The following PTCHD4 variants were observed in gnomAD, a reference collection of about 807,000 sequenced individuals.
PTCHD4 encodes the protein patched domain containing 4.
PTCHD4 carries 33 observed loss-of-function variants against 58.1 expected under a neutral mutation model. The observed-to-expected ratio is 0.57, with a 90% CI of 0.43 to 0.76. The LOEUF is 0.76. Among genes scored for constraint, PTCHD4 ranks in the 30% least tolerant of loss-of-function variants. PTCHD4 has a pLI of 0.00. For missense variants in PTCHD4, 1,058 were observed against 1,027.1 expected (o/e 1.03, Z -0.41); for synonymous variants, 478 against 409.6 (o/e 1.17, Z -2.02).
At chr6:48,098,450 C>T (rs567282458) in intron 1 of PTCHD4, among the ~76,000 whole-genome samples, 25 of 151,992 alleles carry the variant, frequency 1.6e-4, no homozygotes, top group Middle Eastern at 6.8e-3. Flanking sequence ...GTGATTCTCC[C>T]ACCTCAGCCT....
intron 1 of PTCHD4, among the ~76,000 whole-genome samples, chr6:48,108,284 A>G (rs1387568223): frequency 3.2e-4 from 48 of 152,186 alleles, no homozygotes; most frequent in Non-Finnish European, 4.1e-4. Context: ...AAAAATGATG[A>G]GTTCATGTCC....
chr6:47,938,025 C>A (rs1766069652), intron 4 of PTCHD4, among the ~76,000 whole-genome samples: 2 of 152,088 alleles, frequency 1.3e-5, no homozygotes, highest in Non-Finnish European at 1.5e-5. Flanking sequence ...TGGTGGCACG[C>A]ACCTGTAGTC....
chr6:48,008,647 C>CT lies in PTCHD4; in HGVS notation c.884_885insA (p.Phe296ValfsTer9). The CT allele has an allele frequency of 6.2e-7, 1 of 1,612,762 alleles. No individual in the cohort carries two copies. The highest frequency in any genetic ancestry group is 8.5e-7 in the Non-Finnish European group (1 of 1,179,338). On this transcript the variant is annotated frameshift_variant, in exon 4 of 5. Transcript: ENST00000339488. LOFTEE classifies it high-confidence loss of function. ...ATGGATAGTTACCCATGGCGAAGAA[C>CT]GGGATTCCCAGCAGGGTGGAGTTGT...
At chr6:47,996,397 C>T (rs1368098984) in intron 4 of PTCHD4, among the ~76,000 whole-genome samples, 1 of 151,244 alleles carries the variant, frequency 6.6e-6, no homozygotes, top group Non-Finnish European at 1.5e-5. Context: ...ATCACTTGAA[C>T]CCGGGAGGCA....
chr6:47,911,822 A>G (rs1765079617), intron 4 of PTCHD4, among the ~76,000 whole-genome samples: 1 of 152,236 alleles, frequency 6.6e-6, no homozygotes, highest in Non-Finnish European at 1.5e-5. Context: ...TCATTCATGT[A>G]TAGATAGCCA....
At position 48,009,324 on chromosome 6, in the gene PTCHD4, A is replaced by G. The variant is rs539615224; in HGVS notation, c.418-210T>C. ...GATGATCAAGGGCAGAAAATATGCA[A>G]AAAGTATTACAAAGCTACAGAAGAA... On this transcript the variant is annotated intron_variant, in intron 3 of 4. Transcript: ENST00000339488. Among the ~76,000 whole-genome samples, 6 of 152,342 alleles carry G rather than the reference A, an allele frequency of 3.9e-5. No homozygotes were observed. The East Asian group carries it at 1.2e-3, about 29-fold the overall frequency.
At chr6:47,953,787 T>G (rs1766744059) in intron 4 of PTCHD4, among the ~76,000 whole-genome samples, 1 of 152,168 alleles carries the variant, frequency 6.6e-6, no homozygotes, top group Non-Finnish European at 1.5e-5. Context: ...CATAAAACAC[T>G]ATCTGTTCTA....
At chr6:47,904,102 G>A (rs1341345320) in intron 4 of PTCHD4, among the ~76,000 whole-genome samples, 1 of 152,202 alleles carries the variant, frequency 6.6e-6, no homozygotes, top group Non-Finnish European at 1.5e-5. Flanking sequence ...GATGAGCTCA[G>A]AGAGATAATG....
chr6:47,967,643 C>T (rs1470019715), intron 4 of PTCHD4, among the ~76,000 whole-genome samples: 2 of 152,126 alleles, frequency 1.3e-5, no homozygotes, highest in African/African-American at 2.4e-5. Flanking sequence ...TCATATTAGC[C>T]AGATTTTCTG....
At chr6:47,890,612 G>A (rs920434924) in intron 4 of PTCHD4, among the ~76,000 whole-genome samples, 4 of 152,190 alleles carry the variant, frequency 2.6e-5, no homozygotes, top group Non-Finnish European at 2.9e-5. Context: ...ACTGCAGGAC[G>A]ACTGTCATGG....
At chr6:48,064,087 T>C (rs564990921) in intron 3 of PTCHD4, among the ~76,000 whole-genome samples, 11 of 152,236 alleles carry the variant, frequency 7.2e-5, no homozygotes, top group African/African-American at 2.6e-4. Flanking sequence ...TGTTCAGAGG[T>C]GTGGTTATTA....
At chr6:47,960,979 A>G (rs1204813683) in intron 4 of PTCHD4, among the ~76,000 whole-genome samples, 1 of 151,044 alleles carries the variant, frequency 6.6e-6, no homozygotes, top group African/African-American at 2.4e-5. Context: ...AAAAAAAAAA[A>G]AAGAGACAGT....
chr6:48,048,211 G>C (rs1764108464), intron 3 of PTCHD4, among the ~76,000 whole-genome samples: 1 of 151,754 alleles, frequency 6.6e-6, no homozygotes, highest in East Asian at 1.9e-4. Flanking sequence ...GGAAAATTTG[G>C]CCTAAAATAG....
In PTCHD4 at chr6:47,871,152, G is replaced by A. The variant is rs1179505684; in HGVS notation, c.*7151C>T. Among the ~76,000 whole-genome samples the A allele has an allele frequency of 6.6e-6, 1 of 151,590 alleles. No homozygotes were observed. The highest frequency in any genetic ancestry group is 1.5e-5 in the Non-Finnish European group (1 of 67,708). ...TCATTTCTACAATTTGTCTATGCAT[G>A]GGTGAAGACTGTTTCTCCCTAGGAG... On this transcript the variant is annotated 3_prime_UTR_variant, in exon 5 of 5. Coordinates refer to ENST00000339488, the MANE Select transcript of PTCHD4 (RefSeq NM_001384253.1).
At chr6:47,885,129 C>T (rs1048827200) in intron 4 of PTCHD4, among the ~76,000 whole-genome samples, 13 of 152,022 alleles carry the variant, frequency 8.6e-5, no homozygotes, top group South Asian at 2.1e-4. Context: ...GTAACTCACT[C>T]GGGACATTAT....
At chr6:47,981,212 TTCTC>T (rs113596688) in intron 4 of PTCHD4, among the ~76,000 whole-genome samples, 20 of 152,308 alleles carry the variant, frequency 1.3e-4, no homozygotes, top group African/African-American at 4.6e-4. Flanking sequence ...TAATCATCTC[TTCTC>T]TAATTGCTTT....
At chr6:48,110,631 CCA>C (rs367594403) in intron 1 of PTCHD4, among the ~76,000 whole-genome samples, 2,348 of 138,848 alleles carry the variant, frequency 0.017, 29 homozygotes, top group African/African-American at 0.034. Context: ...GATGGTTTTA[CCA>C]CACACACACA....
At chr6:47,883,265 T>C (rs1452267833) in intron 4 of PTCHD4, among the ~76,000 whole-genome samples, 1 of 152,102 alleles carries the variant, frequency 6.6e-6, no homozygotes, top group Non-Finnish European at 1.5e-5. Flanking sequence ...ACCAAGATTA[T>C]AGCTTCTAAT....
intron 4 of PTCHD4, chr6:47,901,679 G>A (rs1764709718): frequency 3.5e-6 from 4 of 1,156,608 alleles, no homozygotes; most frequent in African/African-American, 3.2e-5. Context: ...AGAAATACCT[G>A]GAGGATACTT....
Sources: gnomAD v4.1 joint callset for allele counts (sites outside exome capture counted in the v4.1 genomes callset) on GRCh38, gnomAD v4.1.1 for gene constraint, MANE v1.5 for transcripts, NCBI Gene and HGNC (gene_info 2026-07-23, HGNC 2026-07-21) for gene names.